MTFR2: variants seen among roughly 807,000 people sequenced by gnomAD.
MTFR2 encodes DUF729 domain-containing protein 1.
MTFR2 carries 44 observed loss-of-function variants against 41.2 expected under a neutral mutation model. The observed-to-expected ratio is 1.07, with a 90% CI of 0.84 to 1.37. MTFR2 has a LOEUF of 1.37. MTFR2 is among the 40% of genes most tolerant of loss of function. The pLI is 0.00. For missense variants in MTFR2, 452 were observed against 459.5 expected, an observed-to-expected ratio of 0.98 and a Z score of 0.15; for synonymous variants, 141 against 154.6, an observed-to-expected ratio of 0.91 and a Z score of 0.65.
chr6:136,248,967 A>G (rs1780289020), intron 2 of MTFR2, 70 bp downstream of exon 2: 6 of 1,361,916 alleles, frequency 4.4e-6, no homozygotes, highest in East Asian at 4.7e-5. Context: ...ATGATTACAT[A>G]TAAGTCATTT....
chr6:136,244,998 G>A (rs1220765280), intron 2 of MTFR2, 129 bp from the exon 3 acceptor site: 2 of 584,900 alleles, frequency 3.4e-6, no homozygotes, highest in South Asian at 2.3e-5. Flanking sequence ...AGGGAGTCCT[G>A]TAAAATAACA....
intron 4 of MTFR2, among the ~76,000 whole-genome samples, chr6:136,242,144 A>G (rs932721637): frequency 2.0e-5 from 3 of 150,808 alleles, no homozygotes; most frequent in African/African-American, 4.9e-5. Flanking sequence ...TTCTAGAGTC[A>G]CCACTGAGGA....
chr6:136,241,056 A>G (rs1386975176), intron 5 of MTFR2, among the ~76,000 whole-genome samples: 2 of 149,462 alleles, frequency 1.3e-5, no homozygotes, highest in Non-Finnish European at 3.0e-5. Flanking sequence ...GTGCCACTGC[A>G]CTCCAGCCTG....
At chr6:136,246,112 G>A (rs781620201) in intron 2 of MTFR2, among the ~76,000 whole-genome samples, 14 of 152,094 alleles carry the variant, frequency 9.2e-5, no homozygotes, top group African/African-American at 2.2e-4. Context: ...CTACCATGAC[G>A]GCTACCTATG....
chr6:136,231,190 C>T lies in MTFR2; in HGVS notation c.*85G>A, dbSNP rs953764633. The T allele has an allele frequency of 4.5e-6, 4 of 891,888 alleles. No individual in the cohort carries two copies. Among genetic ancestry groups the T allele is most frequent in the East Asian group, 2.6e-5 (1 of 37,890 alleles). The allele number at this position is 891,888 out of a possible 1,614,324, so 55.2% of individuals were successfully genotyped here. Reference sequence around the variant, plus strand: ...GTCTTTAAATACATCTACTTTTAGCCTTTAACAGTCCAAATCAGTTTCTAA... The same window carrying T: ...GTCTTTAAATACATCTACTTTTAGCTTTTAACAGTCCAAATCAGTTTCTAA... On this transcript the variant is annotated 3_prime_UTR_variant, in exon 8 of 8. Coordinates refer to ENST00000420702, the MANE Select transcript of MTFR2 (RefSeq NM_001099286.3).
chr6:136,242,852 T>C lies in MTFR2; in HGVS notation c.281+9A>G, dbSNP rs1489631138. ...TAGCCCACTTCCCAAGATAAGCATA[T>C]AAAATTACCGAAATCTGAGATAACT... On this transcript the variant is annotated intron_variant, in intron 4 of 7. Transcript: ENST00000420702. The C allele has an allele frequency of 6.9e-6, 11 of 1,601,938 alleles. No individual in the cohort carries two copies. Among genetic ancestry groups the C allele is most frequent in the South Asian group, 5.6e-5 (5 of 89,630 alleles).
intron 6 of MTFR2, among the ~76,000 whole-genome samples, chr6:136,235,986 T>G (rs1201730972): frequency 6.6e-6 from 1 of 151,946 alleles, no homozygotes; most frequent in Non-Finnish European, 1.5e-5. Flanking sequence ...TATCAAATGC[T>G]GCCAAGAGGT....
chr6:136,231,437 A>T, intron 7 of MTFR2, 49 bp from the exon 8 acceptor site: 1 of 1,199,000 alleles, frequency 8.3e-7, no homozygotes, highest in Non-Finnish European at 1.2e-6. Context: ...ATGTCAAAAA[A>T]AAAAAAGAAT....
chr6:136,241,726 A>G, intron 4 of MTFR2, 50 bp from the exon 5 acceptor site: 1 of 1,396,142 alleles, frequency 7.2e-7, no homozygotes, highest in Non-Finnish European at 9.9e-7. Flanking sequence ...TTTCCAATCA[A>G]AAGAGGTATA....
chr6:136,245,938 A>G (rs1302265507), intron 2 of MTFR2, among the ~76,000 whole-genome samples: 1 of 152,210 alleles, frequency 6.6e-6, no homozygotes, highest in Non-Finnish European at 1.5e-5. Context: ...CTTAAAAGTG[A>G]CATGTGGCCA....
intron 7 of MTFR2, among the ~76,000 whole-genome samples, chr6:136,232,965 C>G (rs894192815): frequency 6.6e-6 from 1 of 152,158 alleles, no homozygotes; most frequent in African/African-American, 2.4e-5. Flanking sequence ...TATTCACATT[C>G]CATATGGTTA....
intron 7 of MTFR2, among the ~76,000 whole-genome samples, chr6:136,231,690 A>AAAAG (rs1562205311): frequency 6.7e-6 from 1 of 149,316 alleles, no homozygotes; most frequent in African/African-American, 2.5e-5. Flanking sequence ...AAAAAAAAAA[A>AAAAG]AAGAAGATTA....
At position 136,239,540 on chromosome 6, in the gene MTFR2, C is replaced by T. The variant is rs781605204; in HGVS notation, c.795G>A (p.Gln265=). 1.2e-6 allele frequency: 2 copies of T among 1,614,130 alleles called. No individual in the cohort carries two copies. Among genetic ancestry groups the T allele is most frequent in the South Asian group, 1.1e-5 (1 of 91,086 alleles). The change falls in exon 6 of 8, where the codon CAG becomes CAA. Residue 265 remains glutamine, a synonymous_variant. Transcript: ENST00000420702. The stretch of plus-strand genomic sequence containing the variant: ...ACATGTTTGGAATATCTTTATTTCT[C>T]TGGCTTTTTGAATGATGACTATAAT... ...KTNYSHHSKS[Q]RNKDIPNMLD...
intron 6 of MTFR2, among the ~76,000 whole-genome samples, chr6:136,239,001 G>A (rs893398196): frequency 2.0e-5 from 3 of 152,174 alleles, no homozygotes; most frequent in South Asian, 2.1e-4. Context: ...CCAGGAGGTC[G>A]AGGCTGCAGT....
Position 136,231,167 on chromosome 6 carries a change from C to A in MTFR2, c.*108G>T. On this transcript the variant is annotated 3_prime_UTR_variant, in exon 8 of 8. Transcript: ENST00000420702. Reference sequence around the variant, plus strand: ...GTAGGCAAAATGTGTCAAGAAGAGTCTTTAAATACATCTACTTTTAGCCTT... The same window carrying A: ...GTAGGCAAAATGTGTCAAGAAGAGTATTTAAATACATCTACTTTTAGCCTT... The A allele has an allele frequency of 1.4e-6, 1 of 704,266 alleles. No individual in the cohort carries two copies. The highest frequency in any genetic ancestry group is 2.4e-6 in the Non-Finnish European group (1 of 420,288). 43.6% of individuals were successfully genotyped at this position (704,266 alleles called of 1,614,324 possible).
intron 6 of MTFR2, among the ~76,000 whole-genome samples, chr6:136,238,421 C>G (rs1779961630): frequency 1.3e-5 from 2 of 151,752 alleles, no homozygotes; most frequent in Admixed American, 1.3e-4. Flanking sequence ...GCCTGGGCAA[C>G]ACAGTGAAAT....
intron 6 of MTFR2, among the ~76,000 whole-genome samples, chr6:136,234,889 T>G (rs748549894): frequency 6.6e-5 from 10 of 152,112 alleles, no homozygotes; most frequent in Non-Finnish European, 1.5e-4. Context: ...TGAAGGATGA[T>G]TCCTAGATAT....
intron 2 of MTFR2, among the ~76,000 whole-genome samples, chr6:136,245,533 A>C (rs73779619): frequency 6.6e-6 from 1 of 152,188 alleles, no homozygotes; most frequent in African/African-American, 2.4e-5. Context: ...AAAAGATGTG[A>C]TATAATAAAT....
chr6:136,235,316 C>A (rs746557511), intron 6 of MTFR2, among the ~76,000 whole-genome samples: 3 of 124,542 alleles, frequency 2.4e-5, no homozygotes, highest in Non-Finnish European at 4.4e-5. Context: ...CTGTTTTGGA[C>A]CTGTGAAACG....
Sources: gnomAD v4.1 joint callset for allele counts (sites outside exome capture counted in the v4.1 genomes callset) on GRCh38, gnomAD v4.1.1 for gene constraint, MANE v1.5 for transcripts, NCBI Gene and HGNC (gene_info 2026-07-23, HGNC 2026-07-21) for gene names.